IL1RN: variants seen among roughly 807,000 people sequenced by gnomAD.
IL1RN encodes the protein interleukin 1 receptor antagonist.
A neutral mutation model predicts 13.7 loss-of-function variants in IL1RN; 10 were observed. That is an observed-to-expected ratio of 0.73 (90% CI 0.45 to 1.24). The LOEUF is 1.24. IL1RN is among the 50% of genes most tolerant of loss of function. IL1RN has a pLI of 0.00. For synonymous variants in IL1RN, 102 were observed against 82.7 expected, an observed-to-expected ratio of 1.23 and a Z score of -1.27; for missense variants, 213 against 222.1, an observed-to-expected ratio of 0.96 and a Z score of 0.26.
chr2:113,104,717 G>A (rs1186058287), upstream of IL1RN, among the ~76,000 whole-genome samples: 1 of 152,070 alleles, frequency 6.6e-6, no homozygotes, highest in Non-Finnish European at 1.5e-5. Context: ...ACATTTATTG[G>A]GCACTTAGTG....
intron 1 of IL1RN, among the ~76,000 whole-genome samples, chr2:113,127,942 C>T (rs968369619): frequency 5.9e-5 from 9 of 152,194 alleles, no homozygotes; most frequent in East Asian, 1.9e-4. Flanking sequence ...GTGGATAGTG[C>T]GACCGGAGGG....
chr2:113,109,406 C>A (rs1686452563), upstream of IL1RN, among the ~76,000 whole-genome samples: 1 of 66,152 alleles, frequency 1.5e-5, no homozygotes, highest in Non-Finnish European at 3.0e-5. Context: ...GAGCGAAACG[C>A]CATCTAAAAA....
At chr2:113,100,029 T>C in the IL1RN span, among the ~76,000 whole-genome samples, 120,801 of 133,124 alleles carry the variant, frequency 0.91, 55,240 homozygotes, top group African/African-American at 0.94. Flanking sequence ...CCACCGCGAC[T>C]GGCCCCTCTT....
chr2:113,121,977 T>C (rs984261116), intron 2 of IL1RN, among the ~76,000 whole-genome samples: 3 of 152,244 alleles, frequency 2.0e-5, no homozygotes, highest in Non-Finnish European at 4.4e-5. Context: ...TACCCATGAC[T>C]GGGAAAGAGC....
At chr2:113,113,069 G>A (rs776277979), upstream of IL1RN, 2 of 152,124 alleles carry the variant, frequency 1.3e-5, no homozygotes, top group Non-Finnish European at 2.9e-5. Flanking sequence ...GATTCGTATC[G>A]GTCTGAGTTG....
chr2:113,114,491 C>T (rs923199328), upstream of IL1RN, among the ~76,000 whole-genome samples: 4 of 151,942 alleles, frequency 2.6e-5, no homozygotes, highest in African/African-American at 7.3e-5. Flanking sequence ...GTGGTGGTGG[C>T]GATGGAGGTA....
At chr2:113,131,717 C>T (rs897088849) in intron 3 of IL1RN, among the ~76,000 whole-genome samples, 9 of 152,306 alleles carry the variant, frequency 5.9e-5, no homozygotes, top group African/African-American at 2.2e-4. Context: ...GGACCTTTCT[C>T]TTCCAATCCT....
intron 1 of IL1RN, among the ~76,000 whole-genome samples, chr2:113,112,182 T>C (rs1686510734): frequency 6.6e-6 from 1 of 152,228 alleles, no homozygotes; most frequent in Non-Finnish European, 1.5e-5. Context: ...TGAAAGCCCC[T>C]GGCCTCAGAA....
upstream of IL1RN, among the ~76,000 whole-genome samples, chr2:113,116,416 T>G (rs1686593983): frequency 6.7e-6 from 1 of 150,312 alleles, no homozygotes; most frequent in Admixed American, 6.6e-5. Flanking sequence ...TGGCATTACA[T>G]CTTGGTGAGC....
Position 113,132,649 on chromosome 2 carries a change from T to C in IL1RN, c.319-7T>C. The C allele has an allele frequency of 6.2e-7, 1 of 1,613,896 alleles. No homozygotes were observed. The highest frequency in any genetic ancestry group is 1.3e-5 in the African/African-American group (1 of 75,040). On this transcript the variant is annotated splice_polypyrimidine_tract_variant and splice_region_variant and intron_variant, in intron 3 of 3. Coordinates refer to ENST00000409930, the MANE Select transcript of IL1RN (RefSeq NM_173842.3). ...CAGCTCTCACCTGCCCATCTTTTGA[T>C]TTCCAGGCAGTTAACATCACTGACC...
upstream of IL1RN, among the ~76,000 whole-genome samples, chr2:113,105,136 A>G (rs570294378): frequency 8.5e-4 from 130 of 152,168 alleles, no homozygotes; most frequent in Non-Finnish European, 1.6e-3. Flanking sequence ...TTCTGGCTAG[A>G]AGCGCATTGT....
chr2:113,105,832 GT>G (rs1558858086), upstream of IL1RN, among the ~76,000 whole-genome samples: 1 of 152,106 alleles, frequency 6.6e-6, no homozygotes, highest in Non-Finnish European at 1.5e-5. Flanking sequence ...TAATCATGTG[GT>G]TTTTATTCTT....
upstream of IL1RN, among the ~76,000 whole-genome samples, chr2:113,114,599 T>C (rs1478844258): frequency 1.3e-5 from 2 of 152,112 alleles, no homozygotes; most frequent in Non-Finnish European, 2.9e-5. Flanking sequence ...CTTACAAAGT[T>C]ATGATCAGGT....
At chr2:113,112,243 C>G (rs1035427997) in intron 1 of IL1RN, among the ~76,000 whole-genome samples, 1 of 152,198 alleles carries the variant, frequency 6.6e-6, no homozygotes, top group Non-Finnish European at 1.5e-5. Flanking sequence ...TCCGAGGGCC[C>G]AGCCACCGTG....
At chr2:113,121,715 C>A in intron 2 of IL1RN, 1 of 642,952 alleles carries the variant, frequency 1.6e-6, no homozygotes, top group Non-Finnish European at 1.9e-6. Context: ...TCCAGGAGAG[C>A]AGAGGTGGTC....
At chr2:113,107,744 A>AC (rs1309576003), upstream of IL1RN, among the ~76,000 whole-genome samples, 12 of 152,158 alleles carry the variant, frequency 7.9e-5, no homozygotes, top group African/African-American at 2.9e-4. Flanking sequence ...ACCAAACCAA[A>AC]CCAAACCAAA....
chr2:113,128,977 C>A (rs1182290130), intron 1 of IL1RN, among the ~76,000 whole-genome samples: 1 of 152,190 alleles, frequency 6.6e-6, no homozygotes, highest in Non-Finnish European at 1.5e-5. Flanking sequence ...AGGTCACCAG[C>A]TAATGGAGGA....
At chr2:113,123,954 C>T (rs1442226768), upstream of IL1RN, among the ~76,000 whole-genome samples, 1 of 152,190 alleles carries the variant, frequency 6.6e-6, no homozygotes, top group African/African-American at 2.4e-5. Context: ...GACAGCTGTG[C>T]TAAACACTTT....
chr2:113,132,795 A>G lies in IL1RN; in HGVS notation c.458A>G (p.Asp153Gly). ...GWFLCTAMEADQPVSLTNMPD... is the reference protein window; with the variant it reads ...GWFLCTAMEAGQPVSLTNMPD... Reference sequence around the variant, plus strand: ...TTCCTCTGCACAGCGATGGAAGCTGACCAGCCCGTCAGCCTCACCAATATG... The same window carrying G: ...TTCCTCTGCACAGCGATGGAAGCTGGCCAGCCCGTCAGCCTCACCAATATG... Residue 153 changes from aspartate (D) to glycine (G), a missense_variant, in exon 4 of 4, where the codon GAC becomes GGC. Physicochemically the swap from Asp to Gly is moderately conservative, Grantham distance 94 (BLOSUM62 -1). Coordinates refer to ENST00000409930, the MANE Select transcript of IL1RN (RefSeq NM_173842.3). The G allele has an allele frequency of 6.2e-7, 1 of 1,614,248 alleles. No homozygotes were observed. Among genetic ancestry groups the G allele is most frequent in the South Asian group, 1.1e-5 (1 of 91,086 alleles).
Sources: gnomAD v4.1 joint callset for allele counts (sites outside exome capture counted in the v4.1 genomes callset) on GRCh38, gnomAD v4.1.1 for gene constraint, MANE v1.5 for transcripts, NCBI Gene and HGNC (gene_info 2026-07-23, HGNC 2026-07-21) for gene names.